The following SYNE1 variants were observed in gnomAD, a reference collection of about 807,000 sequenced individuals.
SYNE1 encodes the protein spectrin repeat containing nuclear envelope protein 1.
A neutral mutation model predicts 1,111.0 loss-of-function variants in SYNE1; 616 were observed. The ratio of observed to expected loss-of-function variants is 0.55; its 90% CI spans 0.52 to 0.59. The LOEUF (loss-of-function observed/expected upper bound fraction) is 0.59. Ranked by LOEUF, SYNE1 falls within the 20% of genes least tolerant of loss-of-function variation. SYNE1 has a pLI of 0.00. For synonymous variants in SYNE1, 3,855 were observed against 3,825.8 expected, an observed-to-expected ratio of 1.01 and a Z score of -0.28; for missense variants, 10,006 against 10,417.0, an observed-to-expected ratio of 0.96 and a Z score of 1.72.
chr6:152,196,406 T>C (rs937425453), intron 127 of SYNE1, among the ~76,000 whole-genome samples: 2 of 152,010 alleles, frequency 1.3e-5, no homozygotes, highest in Non-Finnish European at 2.9e-5. Context: ...GAAGCCAGCA[T>C]GTCTCCGAAT....
At chr6:152,319,148 G>A in intron 84 of SYNE1, 133 bp from the exon 85 acceptor site, 1 of 1,266,430 alleles carries the variant, frequency 7.9e-7, no homozygotes, top group Admixed American at 2.1e-5. Flanking sequence ...CACCAGCGAT[G>A]TGCGATTAGT....
intron 132 of SYNE1, 24 bp downstream of exon 132, chr6:152,155,886 A>C (rs1350067254): frequency 6.2e-7 from 1 of 1,613,234 alleles, no homozygotes; most frequent in South Asian, 1.1e-5. Flanking sequence ...CCTCTTCCCT[A>C]TCTGTTTCAG....
In SYNE1 at chr6:152,323,388, G is replaced by C. The variant is rs1005848341; in HGVS notation, c.15917+90C>G. ...CGGGAGGCGGAGCTTGCAGTGAGCC[G>C]AGATCACACATTTGCACTCCAGCCT... On this transcript the variant is annotated intron_variant, in intron 82 of 145. Transcript: ENST00000367255. 34 of 1,569,706 alleles carry C rather than the reference G, an allele frequency of 2.2e-5. No individual in the cohort carries two copies. The East Asian group carries it at 2.3e-4, about 10-fold the overall frequency.
rs140643995 is a variant in SYNE1, at chr6:152,280,459, C to G, written c.18381+1348G>C. Among the ~76,000 whole-genome samples the G allele has an allele frequency of 7.5e-3, 1,143 of 151,842 alleles. 7 individuals are homozygous for G. Among genetic ancestry groups the G allele is most frequent in the South Asian group, 0.022 (104 of 4,792 alleles). On this transcript the variant is annotated intron_variant, in intron 97 of 145. Transcript: ENST00000367255. The stretch of plus-strand genomic sequence containing the variant: ...TTTTGTAATTTTTTTTTAAGCTCAT[C>G]ATCTAGTGCTAGTGTATTTTATGTG...
At chr6:152,206,769 C>T (rs182052709) in intron 125 of SYNE1, among the ~76,000 whole-genome samples, 12 of 152,176 alleles carry the variant, frequency 7.9e-5, no homozygotes, top group Non-Finnish European at 1.8e-4. Context: ...GAGGAGAGGC[C>T]ACCTTCTCAC....
chr6:152,357,050 A>C (rs1445731381), intron 66 of SYNE1, among the ~76,000 whole-genome samples: 1 of 152,118 alleles, frequency 6.6e-6, no homozygotes, highest in Non-Finnish European at 1.5e-5. Flanking sequence ...TGTGGATCCT[A>C]CTCTTTGGAG....
At chr6:152,508,632 G>A (rs370190908) in intron 8 of SYNE1, among the ~76,000 whole-genome samples, 1 of 152,162 alleles carries the variant, frequency 6.6e-6, no homozygotes, top group Non-Finnish European at 1.5e-5. Flanking sequence ...CAATAGCATC[G>A]TGACACATCA....
chr6:152,368,911 C>T (rs1404254535), intron 61 of SYNE1, 61 bp downstream of exon 61: 3 of 1,611,238 alleles, frequency 1.9e-6, no homozygotes. Flanking sequence ...GCAGAACCTG[C>T]TGCAACTCCA....
intron 127 of SYNE1, among the ~76,000 whole-genome samples, chr6:152,201,214 T>C (rs907465757): frequency 6.6e-6 from 1 of 152,158 alleles, no homozygotes; most frequent in African/African-American, 2.4e-5. Flanking sequence ...ATGAATCTTA[T>C]AGCCACTGAA....
Position 152,201,211 on chromosome 6 carries a change from T to C in SYNE1, c.23145+613A>G, listed in dbSNP as rs145869337. ...TACAAAGATGTGAAAGGCATGAATC[T>C]TATAGCCACTGAATTGTGTTGGTCT... On this transcript the variant is annotated intron_variant, in intron 127 of 145. Coordinates refer to ENST00000367255, the MANE Select transcript of SYNE1 (RefSeq NM_182961.4). 3.3e-3 allele frequency among the ~76,000 whole-genome samples: 505 copies of C among 152,296 alleles called. 1 individual carries two copies. The highest frequency in any genetic ancestry group is 0.012 in the African/African-American group (487 of 41,564).
At chr6:152,523,477 T>A (rs568308969) in intron 5 of SYNE1, among the ~76,000 whole-genome samples, 3 of 152,290 alleles carry the variant, frequency 2.0e-5, no homozygotes, top group African/African-American at 7.2e-5. Flanking sequence ...TAATTCAAAG[T>A]CAGATAATGT....
chr6:152,167,420 T>C (rs1392508366), intron 130 of SYNE1, among the ~76,000 whole-genome samples: 2 of 152,208 alleles, frequency 1.3e-5, no homozygotes, highest in Non-Finnish European at 2.9e-5. Flanking sequence ...TATTCATTTG[T>C]AGAAATTTAT....
At chr6:152,433,480 C>T (rs373909092) in intron 34 of SYNE1, 10 of 361,640 alleles carry the variant, frequency 2.8e-5, no homozygotes, top group East Asian at 2.4e-4. Flanking sequence ...TATAATGAAC[C>T]GGCAGAGCAT....
chr6:152,347,847 AT>A (rs764560850), intron 72 of SYNE1, among the ~76,000 whole-genome samples: 3,831 of 139,114 alleles, frequency 0.028, 146 homozygotes, highest in African/African-American at 0.086. Context: ...CACCTGGCTA[AT>A]TTTTTTTTTT....
At chr6:152,607,883 GGGATATGAATGAAGCT>G (rs1247397010) in intron 3 of SYNE1, among the ~76,000 whole-genome samples, 2 of 152,186 alleles carry the variant, frequency 1.3e-5, no homozygotes, top group Non-Finnish European at 2.9e-5. Context: ...GTCCTTTGCA[GGGATATGAATGAAGCT>G]GGAAGCCATC....
chr6:152,596,413 G>A (rs146725261), intron 3 of SYNE1, among the ~76,000 whole-genome samples: 3,310 of 151,834 alleles, frequency 0.022, 124 homozygotes, highest in African/African-American at 0.076. Flanking sequence ...GTGCCACCAT[G>A]CCCAGCTAAT....
intron 105 of SYNE1, 42 bp from the exon 106 acceptor site, chr6:152,244,698 A>C: frequency 6.2e-7 from 1 of 1,612,892 alleles, no homozygotes; most frequent in Middle Eastern, 1.7e-4. Flanking sequence ...TCCCATGAAC[A>C]ATTTCCCCAC....
chr6:152,636,464 T>C (rs1001093334), intron 2 of SYNE1, among the ~76,000 whole-genome samples, 174 bp downstream of exon 2: 3 of 151,986 alleles, frequency 2.0e-5, no homozygotes, highest in Admixed American at 6.6e-5. Flanking sequence ...TATCTATGAG[T>C]ATCGCACACG....
Position 152,206,377 on chromosome 6 carries a change from A to G in SYNE1, c.22825-15T>C, listed in dbSNP as rs2076510137. On this transcript the variant is annotated splice_polypyrimidine_tract_variant and intron_variant, in intron 125 of 145. Transcript: ENST00000367255. ...TTTTCTTTGAACTGAAAGGAACCAT[A>G]GCTTTTTATTTTCTCATTCTTTCTT... is the stretch of plus-strand genomic sequence containing the variant. The G allele has an allele frequency of 1.2e-6, 2 of 1,613,084 alleles. No homozygotes were observed. Among genetic ancestry groups the G allele is most frequent in the African/African-American group, 2.7e-5 (2 of 74,900 alleles).
Sources: allele counts gnomAD v4.1 joint callset (sites outside exome capture counted in the v4.1 genomes callset), GRCh38; gene constraint gnomAD v4.1.1; transcripts MANE v1.5; gene names NCBI Gene and HGNC (gene_info 2026-07-23, HGNC 2026-07-21).